Variants in IFT140 observed in about 807,000 individuals in gnomAD.
IFT140 encodes intraflagellar transport protein 140 homolog.
In IFT140, 133 loss-of-function variants were observed where a neutral mutation model predicts 164.6. The observed-to-expected ratio is 0.81, with a 90% CI of 0.70 to 0.93. IFT140 has a LOEUF of 0.93. Among genes scored for constraint, IFT140 ranks in the 40% least tolerant of loss-of-function variants. The pLI is 0.00. For missense variants in IFT140, 2,045 were observed against 1,972.3 expected (o/e 1.04, Z -0.70); for synonymous variants, 860 against 817.3 (o/e 1.05, Z -0.89).
chr16:1,537,789 G>A (rs1398711131), intron 19 of IFT140, among the ~76,000 whole-genome samples: 1 of 152,218 alleles, frequency 6.6e-6, no homozygotes, highest in Non-Finnish European at 1.5e-5. Context: ...GAATCTCGAG[G>A]CAGGCGAGCC....
Position 1,551,653 on chromosome 16 carries a change from C to T in IFT140, c.2399+6282G>A, listed in dbSNP as rs1363542818. On this transcript the variant is annotated intron_variant, in intron 19 of 30. Coordinates refer to ENST00000426508, the MANE Select transcript of IFT140 (RefSeq NM_014714.4). The surrounding 1 kb of genome is among the most constrained non-coding windows in gnomAD (Gnocchi z 4.0). ...AAACGTCCAGCACATTCCTCACTGT[C>T]GAACCCAACTTCAGGACATGCTTGT... is the stretch of plus-strand genomic sequence containing the variant. Among the ~76,000 whole-genome samples the T allele has an allele frequency of 4.6e-5, 7 of 152,316 alleles. No individual in the cohort carries two copies. The South Asian group carries it at 1.2e-3, about 27-fold the overall frequency.
At chr16:1,590,743 G>A (rs1240096763) in intron 6 of IFT140, among the ~76,000 whole-genome samples, 1 of 152,146 alleles carries the variant, frequency 6.6e-6, no homozygotes, top group Non-Finnish European at 1.5e-5. Flanking sequence ...TTTTCCCGAT[G>A]GATAATGAGT....
At chr16:1,550,841 A>C (rs1331530433) in intron 19 of IFT140, among the ~76,000 whole-genome samples, 2 of 152,168 alleles carry the variant, frequency 1.3e-5, no homozygotes, top group African/African-American at 4.8e-5. Context: ...AGAGCGCCCT[A>C]GCCGTCTCTG....
At chr16:1,526,377 G>A (rs1402806287) in intron 20 of IFT140, 5 of 596,304 alleles carry the variant, frequency 8.4e-6, no homozygotes, top group Non-Finnish European at 1.5e-5. Flanking sequence ...GGGTCTCTCG[G>A]GCGCTCTGTT....
chr16:1,548,623 G>C (rs1441727231), intron 19 of IFT140, among the ~76,000 whole-genome samples: 1 of 152,214 alleles, frequency 6.6e-6, no homozygotes, highest in Non-Finnish European at 1.5e-5. Flanking sequence ...AATGAGGAGA[G>C]AGGGAATCTT....
At chr16:1,569,363 C>T (rs115075298) in intron 14 of IFT140, among the ~76,000 whole-genome samples, 2,972 of 152,122 alleles carry the variant, frequency 0.02, 98 homozygotes, top group African/African-American at 0.068. Context: ...TTGACTTACT[C>T]ATATCATTCG....
intron 6 of IFT140, among the ~76,000 whole-genome samples, chr16:1,590,206 A>G: frequency 6.6e-6 from 1 of 150,854 alleles, no homozygotes; most frequent in East Asian, 1.9e-4. Context: ...GTCTCAAAAA[A>G]AAAAAAAAAA....
chr16:1,524,951 G>C, intron 22 of IFT140, 35 bp from the exon 23 acceptor site: 2 of 1,580,638 alleles, frequency 1.3e-6, no homozygotes, highest in Non-Finnish European at 1.7e-6. Context: ...TTCTCCACCC[G>C]AGCCCCGCTC....
chr16:1,592,428 A>G (rs2141914748), intron 5 of IFT140, 39 bp downstream of exon 5: 2 of 1,612,270 alleles, frequency 1.2e-6, no homozygotes, highest in Middle Eastern at 1.7e-4. Flanking sequence ...CCCCCGATGT[A>G]AACACACACA....
intron 30 of IFT140, 93 bp from the exon 31 acceptor site, chr16:1,511,243 G>T: frequency 7.9e-7 from 1 of 1,258,488 alleles, no homozygotes. Flanking sequence ...GCCCCTGGAG[G>T]CGGGTGGGGG....
At position 1,564,056 on chromosome 16, in the gene IFT140, G is replaced by C; in HGVS notation, c.2008C>G (p.Pro670Ala). 5.0e-6 allele frequency: 8 copies of C among 1,602,296 alleles called. No homozygotes were observed. The highest frequency in any genetic ancestry group is 6.8e-6 in the Non-Finnish European group (8 of 1,170,772). Residue 670 changes from proline (P) to alanine (A), a missense_variant, in exon 17 of 31, where the codon CCG (proline) becomes GCG (alanine). Coordinates refer to ENST00000426508, the MANE Select transcript of IFT140 (RefSeq NM_014714.4). The surrounding 1 kb of genome is among the most constrained non-coding windows in gnomAD (Gnocchi z 5.5). ...TTTGCAGACTGAGGCTGGGAGCGCG[G>C]CGTCTCCTGCACGGCTTCGCATACA... ...LFVCEAVQET[P>A]RSQPQSANGQ...
At chr16:1,593,719 G>A (rs1029657667) in intron 4 of IFT140, among the ~76,000 whole-genome samples, 2 of 152,070 alleles carry the variant, frequency 1.3e-5, no homozygotes, top group Non-Finnish European at 2.9e-5. Context: ...GGGAGGAGGA[G>A]CATAAAGCTG....
chr16:1,605,684 G>C (rs911846212), intron 3 of IFT140, among the ~76,000 whole-genome samples: 1 of 152,138 alleles, frequency 6.6e-6, no homozygotes, highest in African/African-American at 2.4e-5. Context: ...GATTACAGGC[G>C]TGAGCCACCG....
intron 4 of IFT140, among the ~76,000 whole-genome samples, chr16:1,596,503 G>A (rs969479505): frequency 6.6e-6 from 1 of 152,204 alleles, no homozygotes; most frequent in Non-Finnish European, 1.5e-5. Flanking sequence ...GCTGCTCTGG[G>A]GGAAGAGGTT....
chr16:1,553,416 G>A lies in IFT140; in HGVS notation c.2399+4519C>T, dbSNP rs993700328. 1.0e-6 allele frequency: 1 copy of A among 985,392 alleles called. No homozygotes were observed. The highest frequency in any genetic ancestry group is 1.7e-5 in the African/African-American group (1 of 57,334). The allele number at this position is 985,392 out of a possible 1,614,324, so 61.0% of individuals were successfully genotyped here. On this transcript the variant is annotated intron_variant, in intron 19 of 30. Coordinates refer to ENST00000426508, the MANE Select transcript of IFT140 (RefSeq NM_014714.4). The surrounding 1 kb of genome is among the most constrained non-coding windows in gnomAD (Gnocchi z 4.4). ...GTTTCCTGGGGAATGCAGGGGAGGC[G>A]GTTGGGAGTGGAGAGACCGGCATGA...
intron 24 of IFT140, 127 bp downstream of exon 24, chr16:1,524,425 G>A (rs1223764488): frequency 1.6e-6 from 2 of 1,264,250 alleles, no homozygotes; most frequent in East Asian, 2.4e-5. Context: ...GACGGGGTGA[G>A]CAGTGAGTGG....
At chr16:1,578,355 T>TG (rs1414923534) in intron 13 of IFT140, 1 of 151,950 alleles carries the variant, frequency 6.6e-6, no homozygotes, top group African/African-American at 2.4e-5. Flanking sequence ...AGAAGGAACT[T>TG]GGAGATGGAT....
intron 13 of IFT140, 34 bp from the exon 14 acceptor site, chr16:1,571,568 A>G: frequency 6.3e-7 from 1 of 1,594,508 alleles, no homozygotes; most frequent in Non-Finnish European, 8.6e-7. Flanking sequence ...GATATATTTC[A>G]TGTTAGTTAC....
intron 19 of IFT140, chr16:1,534,305 C>T (rs758912889): frequency 1.4e-5 from 22 of 1,612,546 alleles, no homozygotes; most frequent in Non-Finnish European, 1.7e-5. Context: ...TGGCCGCGGC[C>T]GTGCTGGTGG....
Sources: allele counts gnomAD v4.1 joint callset (sites outside exome capture counted in the v4.1 genomes callset), GRCh38; gene constraint gnomAD v4.1.1; non-coding constraint Gnocchi (gnomAD v3.1); transcripts MANE v1.5; gene names NCBI Gene and HGNC (gene_info 2026-07-23, HGNC 2026-07-21).